Variants in RAB11FIP3 observed in about 807,000 individuals in gnomAD.
The protein encoded by RAB11FIP3 is RAB11 family interacting protein 3, also known as rab11 family-interacting protein 3.
In RAB11FIP3, 17 loss-of-function variants were observed where a neutral mutation model predicts 77.8. The ratio of observed to expected loss-of-function variants is 0.22; its 90% confidence interval spans 0.15 to 0.33. RAB11FIP3 has a LOEUF of 0.33. Among genes scored for constraint, RAB11FIP3 ranks in the 10% least tolerant of loss-of-function variants. The probability of loss-of-function intolerance (pLI) is 1.00; values close to 1 mark genes in which losing one functional copy is unlikely to be tolerated. For missense variants in RAB11FIP3, 1,005 were observed against 1,011.2 expected (o/e 0.99, Z 0.08); for synonymous variants, 437 against 448.2 (o/e 0.98, Z 0.31).
At chr16:449,121 C>T (rs887921363) in intron 1 of RAB11FIP3, among the ~76,000 whole-genome samples, 1 of 152,128 alleles carries the variant, frequency 6.6e-6, no homozygotes, top group Non-Finnish European at 1.5e-5. Context: ...TCTTGCCCCT[C>T]CAACCTCACT....
chr16:469,392 A>AT (rs2055771119), intron 2 of RAB11FIP3, among the ~76,000 whole-genome samples: 1 of 142,512 alleles, frequency 7.0e-6, no homozygotes, highest in South Asian at 2.3e-4. Context: ...ATTATTTTAA[A>AT]TGTATTATTT....
At position 426,431 on chromosome 16, in the gene RAB11FIP3, CT is replaced by C; in HGVS notation, c.428del (p.Phe143SerfsTer97). On this transcript the variant is annotated frameshift_variant, in exon 1 of 14. Coordinates refer to ENST00000262305, the MANE Select transcript of RAB11FIP3 (RefSeq NM_014700.4). LOFTEE classifies it high-confidence loss of function. This position sits in a 1 kb window ranked among gnomAD's most constrained non-coding sequence, Gnocchi z 5.0. ...CCCGCGAGCTGCCCGGAGAGCGCGC[CT>C]TTCCGCTTGCAGGGGTCCAGCAGCA... ...CGPASCPESA[P>X]FRLQGSSSSH... The C allele has an allele frequency of 6.3e-7, 1 of 1,585,202 alleles. No individual in the cohort carries two copies.
chr16:493,816 T>A (rs1211524398), intron 5 of RAB11FIP3, among the ~76,000 whole-genome samples: 1 of 146,922 alleles, frequency 6.8e-6, no homozygotes, highest in Non-Finnish European at 1.5e-5. Flanking sequence ...CATGTCTCAA[T>A]CTCCGGACCT....
At chr16:516,606 G>A (rs1227381702) in intron 9 of RAB11FIP3, among the ~76,000 whole-genome samples, 4 of 152,244 alleles carry the variant, frequency 2.6e-5, no homozygotes, top group African/African-American at 9.6e-5. Context: ...GCCGGGCGCG[G>A]TGGCTCACGC....
At chr16:512,273 C>T (rs1235193836) in intron 9 of RAB11FIP3, among the ~76,000 whole-genome samples, 2 of 152,032 alleles carry the variant, frequency 1.3e-5, no homozygotes, top group Non-Finnish European at 2.9e-5. Context: ...TGGAGTCTTG[C>T]TCTGTCGCCC....
intron 1 of RAB11FIP3, among the ~76,000 whole-genome samples, chr16:433,743 C>T (rs1025647011): frequency 6.6e-6 from 1 of 151,354 alleles, no homozygotes; most frequent in Non-Finnish European, 1.5e-5. Context: ...GTAGACCCAC[C>T]TACTTGGGAG....
Position 461,535 on chromosome 16 carries a change from C to G in RAB11FIP3, c.808+38C>G. On this transcript the variant is annotated intron_variant, in intron 2 of 13. Transcript: ENST00000262305. This position sits in a 1 kb window ranked among gnomAD's most constrained non-coding sequence, Gnocchi z 4.5. Reference sequence around the variant, plus strand: ...CGCCATGAGCTCCCACCTCCTCTCCCGTTCCTCAGCCACCCTCTCAGCCAC... The same window carrying G: ...CGCCATGAGCTCCCACCTCCTCTCCGGTTCCTCAGCCACCCTCTCAGCCAC... 1 of 1,550,702 alleles carries G rather than the reference C, an allele frequency of 6.4e-7. No individual in the cohort carries two copies. Among genetic ancestry groups the G allele is most frequent in the Non-Finnish European group, 8.9e-7 (1 of 1,124,112 alleles).
At chr16:474,773 C>T in intron 3 of RAB11FIP3, 1 of 1,365,468 alleles carries the variant, frequency 7.3e-7, no homozygotes, top group Non-Finnish European at 9.5e-7. Context: ...CCCTGACTGA[C>T]TAACCGTTTT....
At chr16:458,020 T>C (rs2055531331) in intron 1 of RAB11FIP3, among the ~76,000 whole-genome samples, 1 of 152,240 alleles carries the variant, frequency 6.6e-6, no homozygotes, top group African/African-American at 2.4e-5. Flanking sequence ...AGCCCTAGGA[T>C]TGGGGCGATG....
intron 1 of RAB11FIP3, among the ~76,000 whole-genome samples, chr16:446,469 G>T (rs1175163614): frequency 6.6e-6 from 1 of 152,136 alleles, no homozygotes; most frequent in East Asian, 1.9e-4. Flanking sequence ...CTTCCAGGTG[G>T]CCTTTGGCAC....
At chr16:515,512 C>T (rs545900630) in intron 9 of RAB11FIP3, among the ~76,000 whole-genome samples, 1 of 151,888 alleles carries the variant, frequency 6.6e-6, no homozygotes, top group African/African-American at 2.4e-5. Context: ...CATCTCGGAG[C>T]AGCCACACGG....
chr16:508,985 C>G (rs894432094), intron 8 of RAB11FIP3, among the ~76,000 whole-genome samples: 7 of 151,512 alleles, frequency 4.6e-5, no homozygotes, highest in Non-Finnish European at 1.5e-5. Flanking sequence ...CTCAGTGCAA[C>G]CTCTGCCTCC....
At chr16:503,838 C>A (rs1181321347) in intron 7 of RAB11FIP3, among the ~76,000 whole-genome samples, 1 of 151,806 alleles carries the variant, frequency 6.6e-6, no homozygotes, top group Admixed American at 6.6e-5. Flanking sequence ...CGAGATTGCA[C>A]GACTGCACTC....
In RAB11FIP3 at chr16:502,850, T is replaced by G. The variant is rs1329114382; in HGVS notation, c.1302-154T>G. On this transcript the variant is annotated intron_variant, in intron 6 of 13. Transcript: ENST00000262305. ...GGACCTCCCCCTGTATATAGTGCTT[T>G]AAGTGGGAGAAGACCACCACCCAGA... 3 of 676,822 alleles carry G rather than the reference T, an allele frequency of 4.4e-6. No homozygotes were observed. In the East Asian group the frequency reaches 8.3e-5, roughly 19 times the overall value. The allele number at this position is 676,822 out of a possible 1,614,324, so 41.9% of individuals were successfully genotyped here.
intron 1 of RAB11FIP3, among the ~76,000 whole-genome samples, chr16:447,901 A>G (rs1413927522): frequency 6.6e-6 from 1 of 152,218 alleles, no homozygotes; most frequent in Non-Finnish European, 1.5e-5. Flanking sequence ...AGGTCAACTA[A>G]TTTAAAACAA....
At chr16:492,490 C>CG (rs1555505332) in intron 5 of RAB11FIP3, among the ~76,000 whole-genome samples, 1,590 of 93,100 alleles carry the variant, frequency 0.017, 167 homozygotes, top group East Asian at 0.026. Context: ...AGGGCCCTCC[C>CG]GGGAGACCCG....
Position 520,547 on chromosome 16 carries a change from C to T in RAB11FIP3, c.2105C>T (p.Thr702Ile). Reference protein sequence around the residue: ...SIQGAKSLFSTAFSESLAAEI... With the variant: ...SIQGAKSLFSIAFSESLAAEI... ...CAGGGCGCCAAGAGCCTCTTCTCCA[C>T]AGCCTTCTCTGAGTCCCTGGCTGCA... is the stretch of plus-strand genomic sequence containing the variant. Residue 702 changes from threonine (T) to isoleucine (I), a missense_variant, in exon 13 of 14, where the codon ACA becomes ATA. This residue lies in a region of RAB11FIP3 where 90 missense variants were observed against 129.7 expected (regional missense o/e 0.69). Transcript: ENST00000262305. The T allele has an allele frequency of 6.2e-7, 1 of 1,613,752 alleles. No homozygotes were observed. The highest frequency in any genetic ancestry group is 2.2e-5 in the East Asian group (1 of 44,884).
intron 1 of RAB11FIP3, among the ~76,000 whole-genome samples, chr16:444,601 A>G (rs1381945564): frequency 6.6e-6 from 1 of 152,134 alleles, no homozygotes; most frequent in African/African-American, 2.4e-5. Flanking sequence ...TAATCCCAGC[A>G]CTCTGGGAGG....
intron 5 of RAB11FIP3, among the ~76,000 whole-genome samples, chr16:494,346 G>A (rs2030906849): frequency 6.6e-6 from 1 of 151,612 alleles, no homozygotes; most frequent in Non-Finnish European, 1.5e-5. Context: ...ATTAAGGCTG[G>A]GTGCGGTGGC....
Sources: allele counts gnomAD v4.1 joint callset (sites outside exome capture counted in the v4.1 genomes callset), GRCh38; gene constraint gnomAD v4.1.1; regional missense constraint gnomAD v4.1.1; non-coding constraint Gnocchi (gnomAD v3.1); transcripts MANE v1.5; gene names NCBI Gene and HGNC (gene_info 2026-07-23, HGNC 2026-07-21).